The following DAAM1 variants were observed in gnomAD, a reference collection of about 807,000 sequenced individuals.
The protein encoded by DAAM1 is disheveled-associated activator of morphogenesis 1.
In DAAM1, 52 loss-of-function variants were observed where a neutral mutation model predicts 130.0. The observed-to-expected ratio is 0.40, with a 90% CI of 0.32 to 0.50. The LOEUF (loss-of-function observed/expected upper bound fraction) is 0.50, where lower values mean the gene tolerates loss of function less well. Ranked by LOEUF, DAAM1 falls within the 20% of genes least tolerant of loss-of-function variation. The pLI, the probability that DAAM1 is intolerant of heterozygous loss-of-function variation, is 0.61. For missense variants in DAAM1, 1,134 were observed against 1,303.8 expected, an observed-to-expected ratio of 0.87 and a Z score of 2.01; for synonymous variants, 452 against 444.5, an observed-to-expected ratio of 1.02 and a Z score of -0.21.
At chr14:59,300,085 G>A (rs1884110599) in intron 3 of DAAM1, 1 of 152,146 alleles carries the variant, frequency 6.6e-6, no homozygotes, top group Admixed American at 6.5e-5. Flanking sequence ...AAAGGTAGGT[G>A]GTTGATGAAT....
At chr14:59,285,296 A>T (rs190694346) in intron 2 of DAAM1, among the ~76,000 whole-genome samples, 5 of 152,294 alleles carry the variant, frequency 3.3e-5, no homozygotes, top group Non-Finnish European at 4.4e-5. Flanking sequence ...GCGTTACAAG[A>T]TCTACTAAAG....
At chr14:59,306,194 T>C (rs1276642471) in intron 3 of DAAM1, among the ~76,000 whole-genome samples, 1 of 152,188 alleles carries the variant, frequency 6.6e-6, no homozygotes. Context: ...CTTGGAATCT[T>C]CTCAGAACCT....
intron 15 of DAAM1, chr14:59,338,377 G>C: frequency 6.2e-7 from 1 of 1,613,644 alleles, no homozygotes; most frequent in Non-Finnish European, 8.5e-7. Context: ...CCTCTGCCAT[G>C]GCTGTAGGAT....
rs560365523 is a variant in DAAM1 at position 59,281,623 on chromosome 14, C to G, written c.184-9594C>G. On this transcript the variant is annotated intron_variant, in intron 2 of 24. Transcript: ENST00000360909. The stretch of plus-strand genomic sequence containing the variant: ...ACCTGCTAAGGAATTTGGACTTTAT[C>G]TTGGAAAGAATGGGAACCTGTAAAG... Among the ~76,000 whole-genome samples the G allele has an allele frequency of 1.6e-4, 25 of 152,178 alleles. No individual in the cohort carries two copies. In the South Asian group the frequency reaches 1.7e-3, roughly 10 times the overall value.
chr14:59,359,522 G>C lies in DAAM1; in HGVS notation c.2633+18G>C. 3 of 1,578,630 alleles carry C rather than the reference G, an allele frequency of 1.9e-6. No homozygotes were observed. Among genetic ancestry groups the C allele is most frequent in the South Asian group, 1.1e-5 (1 of 90,162 alleles). On this transcript the variant is annotated intron_variant, in intron 21 of 24. Transcript: ENST00000360909. ...AAAGTAAAGTAAGTACTTACAGTGAGTGTTAGTTTCTTAAATCACTTGGAT... is the reference window on the plus strand; with the variant it reads ...AAAGTAAAGTAAGTACTTACAGTGACTGTTAGTTTCTTAAATCACTTGGAT...
rs147719389 is a variant in DAAM1, at chr14:59,368,564, A to G, written c.2998-86A>G. The G allele has an allele frequency of 2.5e-4, 334 of 1,359,622 alleles. No homozygotes were observed. In the African/African-American group the frequency reaches 4.5e-3, roughly 18 times the overall value. The allele number at this position is 1,359,622 out of a possible 1,614,324, so 84.2% of individuals were successfully genotyped here. On this transcript the variant is annotated intron_variant, in intron 24 of 24. Coordinates refer to ENST00000360909, the MANE Select transcript of DAAM1 (RefSeq NM_001270520.2). The stretch of plus-strand genomic sequence containing the variant: ...AGCATAGCTTGGTGTCTGGAGCATT[A>G]CCATATTTCAAGGAATTGACCTCTA...
At chr14:59,218,174 C>G (rs1038099465) in intron 1 of DAAM1, among the ~76,000 whole-genome samples, 1 of 152,142 alleles carries the variant, frequency 6.6e-6, no homozygotes, top group African/African-American at 2.4e-5. Flanking sequence ...CTCCGTCAAA[C>G]TAGCCATCTC....
At chr14:59,266,109 C>G (rs1566675018) in intron 2 of DAAM1, 1 of 151,810 alleles carries the variant, frequency 6.6e-6, no homozygotes, top group Non-Finnish European at 1.5e-5. Flanking sequence ...CAGGGTTTCC[C>G]ACTTAAAATG....
intron 1 of DAAM1, among the ~76,000 whole-genome samples, chr14:59,199,998 A>C (rs1272304875): frequency 6.6e-6 from 1 of 152,212 alleles, no homozygotes; most frequent in African/African-American, 2.4e-5. Flanking sequence ...CTGGATATTT[A>C]GGGATAAATT....
intron 1 of DAAM1, among the ~76,000 whole-genome samples, chr14:59,253,332 A>C (rs1881731581): frequency 6.6e-6 from 1 of 152,208 alleles, no homozygotes; most frequent in Non-Finnish European, 1.5e-5. Flanking sequence ...ACTGGAAAGC[A>C]CAGGCATCTT....
intron 1 of DAAM1, among the ~76,000 whole-genome samples, chr14:59,233,176 AT>A (rs1319222838): frequency 6.6e-5 from 10 of 152,200 alleles, no homozygotes; most frequent in African/African-American, 2.4e-4. Flanking sequence ...GCTGGGTCAA[AT>A]GGTATTTCTG....
In DAAM1 at chr14:59,371,230, G is replaced by A. The variant is rs1184511366; in HGVS notation, c.*2371G>A. The A allele has an allele frequency of 1.3e-5, 2 of 151,452 alleles. No individual in the cohort carries two copies. The highest frequency in any genetic ancestry group is 4.9e-5 in the African/African-American group (2 of 41,180). The allele number at this position is 151,452 out of a possible 1,614,324, so 9.4% of individuals were successfully genotyped here. A position where few individuals can be genotyped will look rare whatever the true frequency, so the allele number is the denominator to read the frequency against. The stretch of plus-strand genomic sequence containing the variant: ...ATGCCAAAAAGAAAATGCATAATTT[G>A]TAAACTTAATTATATGTCTTATATC... On this transcript the variant is annotated 3_prime_UTR_variant, in exon 25 of 25. Transcript: ENST00000360909.
chr14:59,277,341 C>T (rs929744902), intron 2 of DAAM1, among the ~76,000 whole-genome samples: 12 of 152,076 alleles, frequency 7.9e-5, no homozygotes, highest in African/African-American at 2.9e-4. Flanking sequence ...GCTTATTCTA[C>T]AGTGTGGAAT....
chr14:59,280,535 C>CTTTTT (rs35354608), intron 2 of DAAM1, among the ~76,000 whole-genome samples: 216 of 90,642 alleles, frequency 2.4e-3, no homozygotes, highest in Middle Eastern at 0.01. Context: ...GCACACCTTC[C>CTTTTT]TTTTTTTTTT....
intron 2 of DAAM1, among the ~76,000 whole-genome samples, chr14:59,278,872 C>T (rs966853159): frequency 1.4e-4 from 22 of 152,178 alleles, no homozygotes; most frequent in Admixed American, 2.6e-4. Context: ...TTTCTTTCCT[C>T]CTTCTTCATA....
Position 59,369,014 on chromosome 14 carries a change from T to C in DAAM1, c.*155T>C, listed in dbSNP as rs531335760. The stretch of plus-strand genomic sequence containing the variant: ...GTGTGTATGTAAATGTATGTGTGTA[T>C]ATATTAAAAAATGTATATAGATGTC... On this transcript the variant is annotated 3_prime_UTR_variant, in exon 25 of 25. Coordinates refer to ENST00000360909, the MANE Select transcript of DAAM1 (RefSeq NM_001270520.2). 2.5e-4 allele frequency: 161 copies of C among 644,162 alleles called. 2 individuals carry two copies. The South Asian group carries it at 3.2e-3, about 13-fold the overall frequency. 39.9% of individuals were successfully genotyped at this position (644,162 alleles called of 1,614,324 possible).
intron 16 of DAAM1, among the ~76,000 whole-genome samples, chr14:59,340,971 A>G (rs1237657091): frequency 6.6e-6 from 1 of 152,218 alleles, no homozygotes; most frequent in African/African-American, 2.4e-5. Context: ...GGAATGTTGT[A>G]TATGCATTGA....
At chr14:59,345,478 A>G (rs1886037598) in intron 16 of DAAM1, among the ~76,000 whole-genome samples, 1 of 152,228 alleles carries the variant, frequency 6.6e-6, no homozygotes, top group Admixed American at 6.5e-5. Context: ...TGAGTACAGT[A>G]GGATTCCCAA....
chr14:59,240,079 G>A (rs112112549), intron 1 of DAAM1, among the ~76,000 whole-genome samples: 88 of 152,236 alleles, frequency 5.8e-4, no homozygotes, highest in Middle Eastern at 3.4e-3. Flanking sequence ...TTTATGGCTC[G>A]ATTTTTCAGT....
Sources: allele counts gnomAD v4.1 joint callset (sites outside exome capture counted in the v4.1 genomes callset), GRCh38; gene constraint gnomAD v4.1.1; transcripts MANE v1.5; gene names NCBI Gene and HGNC (gene_info 2026-07-23, HGNC 2026-07-21).